The following ANO3 variants were observed in gnomAD, a reference collection of about 807,000 sequenced individuals.
The protein encoded by ANO3 is anoctamin-3.
In ANO3, 99 loss-of-function variants were observed where a neutral mutation model predicts 144.8. That is an observed-to-expected ratio of 0.68 (90% CI 0.58 to 0.81). The LOEUF (loss-of-function observed/expected upper bound fraction) is 0.81. ANO3 is among the 30% of genes least tolerant of loss of function. The probability of loss-of-function intolerance (pLI) is 0.00; values close to 1 mark genes in which losing one functional copy is unlikely to be tolerated. For missense variants in ANO3, 905 were observed against 1,202.2 expected, an observed-to-expected ratio of 0.75 and a Z score of 3.66; for synonymous variants, 414 against 392.6, an observed-to-expected ratio of 1.05 and a Z score of -0.64.
intron 4 of ANO3, among the ~76,000 whole-genome samples, chr11:26,481,919 T>C (rs1860233870): frequency 6.6e-6 from 1 of 152,158 alleles, no homozygotes; most frequent in African/African-American, 2.4e-5. Flanking sequence ...TTGGAGACTA[T>C]GTCTCACTCT....
intron 1 of ANO3, among the ~76,000 whole-genome samples, chr11:26,357,209 C>G (rs1855805714): frequency 6.6e-6 from 1 of 152,162 alleles, no homozygotes; most frequent in South Asian, 2.1e-4. Flanking sequence ...TTAGTATGGA[C>G]ATATGATTTC....
chr11:26,201,926 C>T (rs1851701567), intron 1 of ANO3, among the ~76,000 whole-genome samples: 2 of 151,388 alleles, frequency 1.3e-5, no homozygotes, highest in Middle Eastern at 3.4e-3. Context: ...GCTTGATTGC[C>T]AGTAAAAACC....
intron 18 of ANO3, among the ~76,000 whole-genome samples, chr11:26,626,158 T>G (rs933172202): frequency 6.6e-6 from 1 of 152,222 alleles, no homozygotes; most frequent in Non-Finnish European, 1.5e-5. Flanking sequence ...TTGAATCTTT[T>G]CTCATTTTGA....
chr11:26,500,188 C>T (rs1861136755), intron 4 of ANO3, among the ~76,000 whole-genome samples: 1 of 151,966 alleles, frequency 6.6e-6, no homozygotes, highest in African/African-American at 2.4e-5. Context: ...ATATGTGCCA[C>T]ATTATTTATG....
upstream of ANO3, among the ~76,000 whole-genome samples, chr11:26,307,292 T>TA (rs1320049018): frequency 2.0e-5 from 3 of 152,024 alleles, no homozygotes; most frequent in Admixed American, 2.0e-4. Flanking sequence ...AGACGGAGGT[T>TA]GCAGTAAGCT....
chr11:26,638,880 A>G (rs1853053629), intron 20 of ANO3, among the ~76,000 whole-genome samples: 1 of 152,236 alleles, frequency 6.6e-6, no homozygotes. Flanking sequence ...TGCCTAACAC[A>G]GAGCTTGGCA....
chr11:26,352,549 G>A (rs1855675340), intron 1 of ANO3, among the ~76,000 whole-genome samples: 1 of 152,128 alleles, frequency 6.6e-6, no homozygotes, highest in South Asian at 2.1e-4. Context: ...GGGGGAATTA[G>A]ATGCTTGTCC....
rs575942683 is a variant in ANO3, at chr11:26,486,927, C to T, written c.433-21177C>T. Among the ~76,000 whole-genome samples, 3 of 152,298 alleles carry T rather than the reference C, an allele frequency of 2.0e-5. No individual in the cohort carries two copies. In the South Asian group the frequency reaches 6.2e-4, roughly 32 times the overall value. The stretch of plus-strand genomic sequence containing the variant: ...GCATTAACCAAACGTTTGTTGAGTA[C>T]TATTTTTAAGAATCATCTCTAATGC... On this transcript the variant is annotated intron_variant, in intron 4 of 26. Transcript: ENST00000256737.
chr11:26,508,287 A>G (rs1267547999), intron 5 of ANO3, 25 bp downstream of exon 5: 3 of 1,558,448 alleles, frequency 1.9e-6, no homozygotes, highest in South Asian at 1.2e-5. Flanking sequence ...ATTATTAGTT[A>G]TGTGATAAAA....
At chr11:26,494,786 C>T (rs1291154187) in intron 4 of ANO3, among the ~76,000 whole-genome samples, 1 of 152,144 alleles carries the variant, frequency 6.6e-6, no homozygotes, top group Non-Finnish European at 1.5e-5. Context: ...ACCCAAGGAC[C>T]TCTAAGGGAG....
At position 26,615,267 on chromosome 11, in the gene ANO3, G is replaced by T. The variant is rs368749938; in HGVS notation, c.1837-9195G>T. Among the ~76,000 whole-genome samples, 3 of 148,972 alleles carry T rather than the reference G, an allele frequency of 2.0e-5. No homozygotes were observed. In the East Asian group the frequency reaches 5.9e-4, roughly 29 times the overall value. Reference sequence around the variant, plus strand: ...GGTCACTTTTTGAGTTTTGTCTTTTGCCAAGTGAAGAAAAGATTTATCAGT... The same window carrying T: ...GGTCACTTTTTGAGTTTTGTCTTTTTCCAAGTGAAGAAAAGATTTATCAGT... On this transcript the variant is annotated intron_variant, in intron 17 of 26. Coordinates refer to ENST00000256737, the MANE Select transcript of ANO3 (RefSeq NM_031418.4).
intron 1 of ANO3, among the ~76,000 whole-genome samples, chr11:26,284,163 C>G (rs1853748241): frequency 6.6e-6 from 1 of 152,140 alleles, no homozygotes; most frequent in Non-Finnish European, 1.5e-5. Flanking sequence ...GCTGACATGA[C>G]ACAGCTTTCA....
chr11:26,595,460 G>GTTTTTTTTTTGT (rs1851585438), intron 14 of ANO3, among the ~76,000 whole-genome samples: 1 of 101,384 alleles, frequency 9.9e-6, no homozygotes, highest in Non-Finnish European at 1.8e-5. Context: ...AGATAGAGTT[G>GTTTTTTTTTTGT]TTTTTTTTTT....
At chr11:26,559,835 TACACACACACACACAC>T (rs71047866) in intron 14 of ANO3, 56 bp downstream of exon 14, 46 of 661,846 alleles carry the variant, frequency 7.0e-5, no homozygotes, top group Middle Eastern at 8.9e-4. Flanking sequence ...GTTTCTGTGT[TACACACACACACACAC>T]ACACACACAC....
intron 13 of ANO3, among the ~76,000 whole-genome samples, chr11:26,554,425 T>A: frequency 6.6e-6 from 1 of 152,166 alleles, no homozygotes; most frequent in East Asian, 1.9e-4. Flanking sequence ...AATGCTGTCA[T>A]TTCTCTTGGG....
chr11:26,463,392 A>G (rs1859489585), intron 4 of ANO3, among the ~76,000 whole-genome samples: 1 of 151,924 alleles, frequency 6.6e-6, no homozygotes, highest in Admixed American at 6.6e-5. Flanking sequence ...AAAATTATTC[A>G]TTAATAGTCC....
At chr11:26,469,788 A>C (rs1859716953) in intron 4 of ANO3, among the ~76,000 whole-genome samples, 1 of 151,994 alleles carries the variant, frequency 6.6e-6, no homozygotes, top group African/African-American at 2.4e-5. Context: ...ATTCACACAG[A>C]TATTATAATG....
chr11:26,459,770 A>G (rs1859313671), intron 3 of ANO3, among the ~76,000 whole-genome samples: 1 of 152,104 alleles, frequency 6.6e-6, no homozygotes, highest in Non-Finnish European at 1.5e-5. Context: ...AGTTAAAAGA[A>G]TTTGGTGAAG....
rs144505823 is a variant in ANO3 at position 26,311,072 on chromosome 11, C to T, written c.-3+1353C>T. Among the ~76,000 whole-genome samples, 92 of 151,868 alleles carry T rather than the reference C, an allele frequency of 6.1e-4. 2 individuals are homozygous for T. In the Middle Eastern group the frequency reaches 0.027, roughly 45 times the overall value. On this transcript the variant is annotated intron_variant, in intron 1 of 26. Coordinates refer to the ANO3 transcript ENST00000525139. ...TTCATACTCAAAGAAAGGTGGTTTACGGAATGGAAATTAGAAAGGAGAAAT... is the reference window on the plus strand; with the variant it reads ...TTCATACTCAAAGAAAGGTGGTTTATGGAATGGAAATTAGAAAGGAGAAAT...
Sources: allele counts gnomAD v4.1 joint callset (sites outside exome capture counted in the v4.1 genomes callset), GRCh38; gene constraint gnomAD v4.1.1; transcripts MANE v1.5; gene names NCBI Gene and HGNC (gene_info 2026-07-23, HGNC 2026-07-21).